SMU1: variants seen among roughly 807,000 people sequenced by gnomAD.
SMU1 encodes SMU1 DNA replication regulator and spliceosomal factor, also known as WD40 repeat-containing protein SMU1.
A neutral mutation model predicts 62.0 loss-of-function variants in SMU1; 2 were observed. The ratio of observed to expected loss-of-function variants is 0.03; its 90% CI spans 0.01 to 0.10. SMU1 has a LOEUF of 0.10. Ranked by LOEUF, SMU1 falls within the 10% of genes least tolerant of loss-of-function variation. The probability of loss-of-function intolerance (pLI) is 1.00; values close to 1 mark genes in which losing one functional copy is unlikely to be tolerated. For missense variants in SMU1, 227 were observed against 622.1 expected (o/e 0.36, Z 6.76); for synonymous variants, 188 against 212.4 (o/e 0.89, Z 1.00).
intron 1 of SMU1, among the ~76,000 whole-genome samples, chr9:33,074,772 CTTTTT>C (rs757049046): frequency 1.5e-5 from 2 of 133,958 alleles, no homozygotes. Context: ...CAAACATCCT[CTTTTT>C]TTTTTTTTTT....
intron 6 of SMU1, among the ~76,000 whole-genome samples, chr9:33,060,080 G>A (rs1044232636): frequency 6.6e-6 from 1 of 152,058 alleles, no homozygotes; most frequent in Non-Finnish European, 1.5e-5. Flanking sequence ...CATAATCATG[G>A]CTCACTGCAA....
chr9:33,055,387 T>A (rs1223146472), intron 9 of SMU1, among the ~76,000 whole-genome samples: 1 of 152,156 alleles, frequency 6.6e-6, no homozygotes, highest in Non-Finnish European at 1.5e-5. Context: ...TATCTAGATA[T>A]TTGTATTAAA....
rs1839166383 is a variant in SMU1 at position 33,044,825 on chromosome 9, C to T, written c.*2468G>A. On this transcript the variant is annotated 3_prime_UTR_variant, in exon 12 of 12. Coordinates refer to ENST00000397149, the MANE Select transcript of SMU1 (RefSeq NM_018225.3). ...TTGCCTGGTCTCCCAAGACACCTAT[C>T]ATTTTGCCCAGCACATACCTTGCCG... The T allele has an allele frequency of 6.6e-6, 1 of 152,220 alleles. No individual in the cohort carries two copies. The highest frequency in any genetic ancestry group is 6.5e-5 in the Admixed American group (1 of 15,284). The allele number at this position is 152,220 out of a possible 1,614,324, so 9.4% of individuals were successfully genotyped here.
At chr9:33,058,411 G>A (rs1014829799) in intron 6 of SMU1, among the ~76,000 whole-genome samples, 5 of 152,198 alleles carry the variant, frequency 3.3e-5, no homozygotes, top group Middle Eastern at 3.4e-3. Context: ...CTGCCTCCTG[G>A]GTTCGAGCAA....
At chr9:33,051,807 C>T (rs1839252691) in intron 10 of SMU1, among the ~76,000 whole-genome samples, 1 of 152,076 alleles carries the variant, frequency 6.6e-6, no homozygotes, top group African/African-American at 2.4e-5. Context: ...GTAATCCCAG[C>T]ACTTTCGGAG....
chr9:33,072,784 G>A (rs1400032194), intron 2 of SMU1, among the ~76,000 whole-genome samples: 1 of 142,062 alleles, frequency 7.0e-6, no homozygotes, highest in African/African-American at 2.6e-5. Context: ...AGCAGAGATC[G>A]CACCACTGCA....
chr9:33,052,482 T>C (rs768735227), intron 10 of SMU1, among the ~76,000 whole-genome samples: 62 of 152,158 alleles, frequency 4.1e-4, no homozygotes, highest in Non-Finnish European at 3.4e-4. Context: ...CTCCATCAGT[T>C]ACAGAACTCA....
In SMU1 at chr9:33,068,898, C is replaced by T. The variant is rs371094119; in HGVS notation, c.427G>A (p.Ala143Thr). The change falls in exon 4 of 12, where the codon GCA becomes ACA. Residue 143 changes from alanine (A) to threonine (T), a missense_variant. Ala to Thr is a moderately conservative substitution (Grantham distance 58, BLOSUM62 0). Coordinates refer to ENST00000397149, the MANE Select transcript of SMU1 (RefSeq NM_018225.3). ...PDGSSKEKRR[A>T]AIAQALAGEV... ...CCAGCTAAGGCCTGGGCAATTGCTGCTCTTCTCTTTTCTTTGCTACTTCCA... is the reference window on the plus strand; with the variant it reads ...CCAGCTAAGGCCTGGGCAATTGCTGTTCTTCTCTTTTCTTTGCTACTTCCA... 8.1e-6 allele frequency: 13 copies of T among 1,614,110 alleles called. No homozygotes were observed. The highest frequency in any genetic ancestry group is 1.1e-5 in the Non-Finnish European group (13 of 1,180,020).
At chr9:33,058,359 T>C (rs959148587) in intron 6 of SMU1, among the ~76,000 whole-genome samples, 1 of 152,232 alleles carries the variant, frequency 6.6e-6, no homozygotes. Context: ...CTCTGTCGTC[T>C]AGGCTGCAGT....
At chr9:33,070,898 G>A (rs1587713187) in intron 3 of SMU1, among the ~76,000 whole-genome samples, 1 of 152,254 alleles carries the variant, frequency 6.6e-6, no homozygotes, top group African/African-American at 2.4e-5. Flanking sequence ...GGGTAAGAAG[G>A]AAAGTGGGGA....
chr9:33,076,544 C>T (rs769405516), intron 1 of SMU1, 39 bp downstream of exon 1: 2 of 1,612,086 alleles, frequency 1.2e-6, no homozygotes, highest in Non-Finnish European at 1.7e-6. Context: ...AACCTCCAGG[C>T]CCCCGGCAAG....
At chr9:33,061,599 A>T (rs564230126) in intron 5 of SMU1, among the ~76,000 whole-genome samples, 30 of 152,318 alleles carry the variant, frequency 2.0e-4, no homozygotes, top group Admixed American at 5.2e-4. Context: ...AAAAAATTTT[A>T]AAAAACCACA....
intron 4 of SMU1, among the ~76,000 whole-genome samples, chr9:33,065,983 T>C (rs1407327720): frequency 2.6e-5 from 4 of 152,174 alleles, no homozygotes; most frequent in East Asian, 3.9e-4. Context: ...TCTCAAGATA[T>C]GGTTTAGGCA....
In SMU1 at chr9:33,042,009, A is replaced by G. The variant is rs1366136426; in HGVS notation, c.*5284T>C. ...AGGGTGATGACATTTTGGAAATACA[A>G]TAGTGGTTGCGTAACATCGTAAATA... On this transcript the variant is annotated 3_prime_UTR_variant, in exon 12 of 12. Transcript: ENST00000397149. 4 of 152,306 alleles carry G rather than the reference A, an allele frequency of 2.6e-5. No individual in the cohort carries two copies. Among genetic ancestry groups the G allele is most frequent in the African/African-American group, 7.2e-5 (3 of 41,458 alleles). The allele number at this position is 152,306 out of a possible 1,614,324, so 9.4% of individuals were successfully genotyped here.
chr9:33,054,022 C>T (rs181397849), intron 9 of SMU1, among the ~76,000 whole-genome samples: 49 of 152,280 alleles, frequency 3.2e-4, no homozygotes, highest in Non-Finnish European at 5.7e-4. Flanking sequence ...TGGTGGCTCA[C>T]GCCTGTAATG....
chr9:33,065,262 C>T (rs1564023663), intron 4 of SMU1, among the ~76,000 whole-genome samples: 1 of 152,114 alleles, frequency 6.6e-6, no homozygotes, highest in African/African-American at 2.4e-5. Flanking sequence ...TAGTTTCTAC[C>T]CCAGCCCCCA....
Position 33,043,566 on chromosome 9 carries a change from T to C in SMU1, c.*3727A>G, listed in dbSNP as rs1839148823. 1 of 152,252 alleles carries C rather than the reference T, an allele frequency of 6.6e-6. No individual in the cohort carries two copies. Among genetic ancestry groups the C allele is most frequent in the South Asian group, 2.1e-4 (1 of 4,830 alleles). 9.4% of individuals were successfully genotyped at this position (152,252 alleles called of 1,614,324 possible). On this transcript the variant is annotated 3_prime_UTR_variant, in exon 12 of 12. Coordinates refer to ENST00000397149, the MANE Select transcript of SMU1 (RefSeq NM_018225.3). ...TGACAGCAAAGACTGACATCCAGAA[T>C]CCTCTAATTCAGTTCTCTCTACTCA...
chr9:33,066,426 A>G (rs898007551), intron 4 of SMU1, among the ~76,000 whole-genome samples: 1 of 150,560 alleles, frequency 6.6e-6, no homozygotes, highest in Admixed American at 6.7e-5. Flanking sequence ...TCAGCGGCTT[A>G]CACCTGTAAT....
At chr9:33,047,694 C>T (rs1839201725) in intron 11 of SMU1, among the ~76,000 whole-genome samples, 1 of 151,996 alleles carries the variant, frequency 6.6e-6, no homozygotes, top group African/African-American at 2.4e-5. Flanking sequence ...CCCGTCTCCA[C>T]TAAAGATACA....
Sources: gnomAD v4.1 joint callset for allele counts (sites outside exome capture counted in the v4.1 genomes callset) on GRCh38, gnomAD v4.1.1 for gene constraint, MANE v1.5 for transcripts, NCBI Gene and HGNC (gene_info 2026-07-23, HGNC 2026-07-21) for gene names.